Variants in CDH4 observed in about 807,000 individuals in gnomAD.
CDH4 encodes the protein cadherin-4.
CDH4 carries 33 observed loss-of-function variants against 86.0 expected under a neutral mutation model. That is an observed-to-expected ratio of 0.38 (90% confidence interval 0.29 to 0.51). The LOEUF (loss-of-function observed/expected upper bound fraction) is 0.51. CDH4 is among the 20% of genes least tolerant of loss of function. CDH4 has a pLI of 0.86. For synonymous variants in CDH4, 555 were observed against 549.4 expected (o/e 1.01, Z -0.14); for missense variants, 1,114 against 1,307.4 (o/e 0.85, Z 2.28).
intron 2 of CDH4, among the ~76,000 whole-genome samples, chr20:61,550,970 G>A (rs1158831915): frequency 6.6e-6 from 1 of 152,190 alleles, no homozygotes; most frequent in African/African-American, 2.4e-5. Flanking sequence ...TTCTGCAGTT[G>A]GTCAGTCAGA....
At chr20:61,678,312 C>CGGAT (rs780719504) in intron 2 of CDH4, among the ~76,000 whole-genome samples, 7 of 150,838 alleles carry the variant, frequency 4.6e-5, no homozygotes, top group South Asian at 2.1e-4. Context: ...GATGGATGGA[C>CGGAT]GGATGGATGG....
intron 1 of CDH4, among the ~76,000 whole-genome samples, chr20:61,254,217 A>G (rs1024448772): frequency 2.0e-5 from 3 of 152,128 alleles, no homozygotes; most frequent in East Asian, 1.9e-4. Context: ...GCTGAAGACT[A>G]GAAGGTGGAA....
At chr20:61,270,240 C>T (rs902390383) in intron 2 of CDH4, among the ~76,000 whole-genome samples, 7 of 152,198 alleles carry the variant, frequency 4.6e-5, no homozygotes, top group Non-Finnish European at 7.3e-5. Context: ...TTGGATTACG[C>T]CGTATCCTAT....
At chr20:61,259,986 T>G (rs1283490190) in intron 2 of CDH4, among the ~76,000 whole-genome samples, 1 of 152,224 alleles carries the variant, frequency 6.6e-6, no homozygotes, top group South Asian at 2.1e-4. Context: ...GAACACAAAT[T>G]GGGTCCCAGA....
At chr20:61,565,255 T>TAGGTGGG (rs2086273716) in intron 2 of CDH4, among the ~76,000 whole-genome samples, 1 of 82,476 alleles carries the variant, frequency 1.2e-5, no homozygotes, top group East Asian at 3.2e-4. Flanking sequence ...GTGCTCTTGG[T>TAGGTGGG]GATGGTGGTG....
At chr20:61,318,557 G>A (rs2080885265) in intron 2 of CDH4, among the ~76,000 whole-genome samples, 1 of 152,156 alleles carries the variant, frequency 6.6e-6, no homozygotes, top group Non-Finnish European at 1.5e-5. Flanking sequence ...ATTGCTGGAG[G>A]CTATGATGTG....
chr20:61,398,615 C>T (rs954547224), intron 2 of CDH4, among the ~76,000 whole-genome samples: 2 of 152,160 alleles, frequency 1.3e-5, no homozygotes, highest in African/African-American at 4.8e-5. Context: ...AAAGCCTCAA[C>T]TGATTGGACA....
chr20:61,262,733 CT>C (rs1171543092), intron 2 of CDH4, among the ~76,000 whole-genome samples: 1 of 151,836 alleles, frequency 6.6e-6, no homozygotes, highest in African/African-American at 2.4e-5. Flanking sequence ...AAGGAAAGGG[CT>C]TTTTCCTCCT....
intron 2 of CDH4, among the ~76,000 whole-genome samples, chr20:61,651,099 TGTCA>T (rs2087116077): frequency 1.3e-5 from 2 of 151,950 alleles, no homozygotes; most frequent in South Asian, 4.2e-4. Flanking sequence ...GGTGTGCTCG[TGTCA>T]GTGAGTTAGC....
chr20:61,806,803 G>A (rs1039015660), intron 4 of CDH4, among the ~76,000 whole-genome samples: 3 of 152,178 alleles, frequency 2.0e-5, no homozygotes, highest in Non-Finnish European at 4.4e-5. Flanking sequence ...CCACACACAT[G>A]TGCACACCGT....
chr20:61,335,300 ATGT>A (rs2084611338), intron 2 of CDH4, among the ~76,000 whole-genome samples: 2 of 152,366 alleles, frequency 1.3e-5, no homozygotes, highest in Middle Eastern at 3.4e-3. Flanking sequence ...CATTATATTC[ATGT>A]TGTTCAAAAA....
chr20:61,554,568 G>T (rs939726149), intron 2 of CDH4, among the ~76,000 whole-genome samples: 1 of 152,212 alleles, frequency 6.6e-6, no homozygotes, highest in African/African-American at 2.4e-5. Flanking sequence ...ATGGAACTGG[G>T]ATTTGTTGCA....
intron 2 of CDH4, among the ~76,000 whole-genome samples, chr20:61,397,087 T>C (rs1034847517): frequency 1.3e-5 from 2 of 152,130 alleles, no homozygotes; most frequent in Non-Finnish European, 2.9e-5. Flanking sequence ...TTTTTTGTAT[T>C]TTTTGTAATA....
Position 61,678,203 on chromosome 20 carries a change from A to G in CDH4, c.170-65360A>G, listed in dbSNP as rs564951640. ...GATACATAGATAGATGCATGCATGC[A>G]TCCACACATACACAGATGACAGATA... On this transcript the variant is annotated intron_variant, in intron 2 of 15. Coordinates refer to ENST00000614565, the MANE Select transcript of CDH4 (RefSeq NM_001794.5). Among the ~76,000 whole-genome samples the G allele has an allele frequency of 3.3e-5, 5 of 152,280 alleles. No individual in the cohort carries two copies. The South Asian group carries it at 8.3e-4, about 25-fold the overall frequency.
At chr20:61,855,699 C>T (rs546240862) in intron 6 of CDH4, among the ~76,000 whole-genome samples, 43 of 152,356 alleles carry the variant, frequency 2.8e-4, no homozygotes, top group Non-Finnish European at 5.1e-4. Flanking sequence ...GAGCAAATTG[C>T]GGAGACGTGG....
chr20:61,555,382 A>C (rs1431507545), intron 2 of CDH4, among the ~76,000 whole-genome samples: 2 of 152,210 alleles, frequency 1.3e-5, no homozygotes, highest in Admixed American at 1.3e-4. Flanking sequence ...AGTGTGGTGC[A>C]GGTAACTGGG....
At chr20:61,774,018 G>T (rs960694950) in intron 4 of CDH4, among the ~76,000 whole-genome samples, 4 of 152,194 alleles carry the variant, frequency 2.6e-5, no homozygotes, top group African/African-American at 9.7e-5. Context: ...GGCCACCAGG[G>T]GACCCCACCA....
intron 10 of CDH4, 95 bp downstream of exon 10, chr20:61,923,799 T>G: frequency 2.7e-6 from 4 of 1,466,546 alleles, no homozygotes; most frequent in South Asian, 1.3e-5. Context: ...CAGCCCAGAA[T>G]TCCCCCAGAT....
At chr20:61,838,337 C>T (rs894895639) in intron 4 of CDH4, among the ~76,000 whole-genome samples, 8 of 152,050 alleles carry the variant, frequency 5.3e-5, no homozygotes, top group East Asian at 1.9e-4. Context: ...AGGGAGCCCT[C>T]GGCTGTGCAA....
Sources: gnomAD v4.1 joint callset for allele counts (sites outside exome capture counted in the v4.1 genomes callset) on GRCh38, gnomAD v4.1.1 for gene constraint, MANE v1.5 for transcripts, NCBI Gene and HGNC (gene_info 2026-07-23, HGNC 2026-07-21) for gene names.